NCAM1: variants seen among roughly 807,000 people sequenced by gnomAD.
NCAM1 encodes antigen recognized by monoclonal antibody 5.1H11.
Under a neutral mutation model 109.8 loss-of-function variants are expected in NCAM1, and 14 were observed. The ratio of observed to expected loss-of-function variants is 0.13; its 90% CI spans 0.08 to 0.20. The LOEUF is 0.20. Among genes scored for constraint, NCAM1 ranks in the 10% least tolerant of loss-of-function variants. The pLI is 1.00. For missense variants in NCAM1, 774 were observed against 1,109.9 expected, an observed-to-expected ratio of 0.70 and a Z score of 4.30; for synonymous variants, 418 against 442.9, an observed-to-expected ratio of 0.94 and a Z score of 0.70.
intron 1 of NCAM1, among the ~76,000 whole-genome samples, chr11:113,120,968 A>G (rs2136032592): frequency 6.6e-6 from 1 of 152,260 alleles, no homozygotes; most frequent in South Asian, 2.1e-4. Context: ...GCTAGGCTCT[A>G]GGTGTGATGT....
At chr11:113,106,178 T>C (rs1378682716) in intron 1 of NCAM1, among the ~76,000 whole-genome samples, 1 of 152,246 alleles carries the variant, frequency 6.6e-6, no homozygotes, top group East Asian at 1.9e-4. Context: ...ATTTCAGTAA[T>C]TTCTAAATAT....
chr11:113,118,968 TAAG>T lies in NCAM1; in HGVS notation c.53-83408_53-83406del, dbSNP rs577133183. On this transcript the variant is annotated intron_variant, in intron 1 of 19. Coordinates refer to ENST00000316851, the MANE Select transcript of NCAM1 (RefSeq NM_181351.5). ...CTTTAAAAATGTTTTTGGAAAGAAA[TAAG>T]AAATATTTAAATTACCTTCAAATTA... Among the ~76,000 whole-genome samples, 34 of 152,004 alleles carry T rather than the reference TAAG, an allele frequency of 2.2e-4. No homozygotes were observed. In the South Asian group the frequency reaches 4.3e-3, roughly 19 times the overall value.
At chr11:113,027,763 C>T (rs554114864) in intron 1 of NCAM1, among the ~76,000 whole-genome samples, 2 of 152,290 alleles carry the variant, frequency 1.3e-5, no homozygotes, top group Admixed American at 1.3e-4. Context: ...CATGAGCTAA[C>T]TTTTCTAAGA....
At position 113,273,423 on chromosome 11, in the gene NCAM1, C is replaced by T. The variant is rs190371700; in HGVS notation, c.2456+1547C>T. On this transcript the variant is annotated intron_variant, in intron 19 of 19. Transcript: ENST00000316851. The surrounding 1 kb of genome is among the most constrained non-coding windows in gnomAD (Gnocchi z 6.0). ...AGCGGCTGCCCCTGCCACAGAAGCCCCTCAGGCCAAGCAGGAGGCTCCCAG... is the reference window on the plus strand; with the variant it reads ...AGCGGCTGCCCCTGCCACAGAAGCCTCTCAGGCCAAGCAGGAGGCTCCCAG... The T allele has an allele frequency of 1.7e-3, 576 of 333,512 alleles. 3 individuals carry two copies. Among genetic ancestry groups the T allele is most frequent in the African/African-American group, 0.012 (548 of 46,256 alleles). The allele number at this position is 333,512 out of a possible 1,614,324, so 20.7% of individuals were successfully genotyped here.
chr11:113,135,239 A>C (rs1441329580), intron 1 of NCAM1, among the ~76,000 whole-genome samples: 1 of 152,146 alleles, frequency 6.6e-6, no homozygotes, highest in Non-Finnish European at 1.5e-5. Flanking sequence ...GTTGGGGTTC[A>C]CCTTCAGATA....
chr11:113,033,985 C>A (rs1478002466), intron 1 of NCAM1, among the ~76,000 whole-genome samples: 1 of 152,112 alleles, frequency 6.6e-6, no homozygotes, highest in Admixed American at 6.6e-5. Context: ...TTCTGACTTG[C>A]AATTTATTCT....
chr11:113,173,620 A>G (rs1591386851), intron 1 of NCAM1, among the ~76,000 whole-genome samples: 1 of 81,850 alleles, frequency 1.2e-5, no homozygotes, highest in African/African-American at 4.4e-5. Flanking sequence ...ATATATATAT[A>G]TATATATTTT....
At chr11:113,237,662 C>T (rs536547589) in intron 14 of NCAM1, among the ~76,000 whole-genome samples, 19 of 152,268 alleles carry the variant, frequency 1.2e-4, no homozygotes, top group African/African-American at 3.6e-4. Context: ...CAGGTTTCCT[C>T]TGGTCTGGAT....
At chr11:113,161,137 G>T (rs1264028091) in intron 1 of NCAM1, among the ~76,000 whole-genome samples, 15 of 152,206 alleles carry the variant, frequency 9.9e-5, no homozygotes, top group African/African-American at 3.6e-4. Flanking sequence ...GAAAAAAATT[G>T]AAAATCTCTG....
intron 1 of NCAM1, among the ~76,000 whole-genome samples, chr11:113,078,476 A>G (rs1313458686): frequency 6.6e-6 from 1 of 152,020 alleles, no homozygotes; most frequent in East Asian, 1.9e-4. Context: ...TCCACCAGCT[A>G]CAGGATGCTT....
At position 113,221,336 on chromosome 11, in the gene NCAM1, C is replaced by T; in HGVS notation, c.1089+11C>T. On this transcript the variant is annotated intron_variant, in intron 9 of 19. Coordinates refer to ENST00000316851, the MANE Select transcript of NCAM1 (RefSeq NM_181351.5). ...CCAGAGAAGCAAGAGGTATAGCTTACCTGACCACTAGCCAGTCTTTAGTTT... is the reference window on the plus strand; with the variant it reads ...CCAGAGAAGCAAGAGGTATAGCTTATCTGACCACTAGCCAGTCTTTAGTTT... 1 of 1,567,342 alleles carries T rather than the reference C, an allele frequency of 6.4e-7. No homozygotes were observed. The highest frequency in any genetic ancestry group is 1.2e-5 in the South Asian group (1 of 85,194).
intron 16 of NCAM1, 126 bp from the exon 17 acceptor site, chr11:113,260,020 A>C (rs1945943581): frequency 4.7e-6 from 4 of 846,640 alleles, no homozygotes; most frequent in South Asian, 3.9e-5. Flanking sequence ...ATTGCTTCTT[A>C]TTTTCATGAT....
chr11:113,073,684 A>G (rs537047657), intron 1 of NCAM1, among the ~76,000 whole-genome samples: 1 of 152,222 alleles, frequency 6.6e-6, no homozygotes, highest in Non-Finnish European at 1.5e-5. Flanking sequence ...GCTAATGAAA[A>G]AAACCTTTTA....
chr11:113,237,547 C>T (rs906325144), intron 14 of NCAM1, among the ~76,000 whole-genome samples: 6 of 152,212 alleles, frequency 3.9e-5, no homozygotes, highest in Non-Finnish European at 5.9e-5. Flanking sequence ...TGCTCTGGGC[C>T]TGCAGCTATG....
Position 113,000,847 on chromosome 11 carries a change from T to TATAC in NCAM1, c.52+39184_52+39185insTACA, listed in dbSNP as rs1306306918. On this transcript the variant is annotated intron_variant, in intron 1 of 19. Transcript: ENST00000316851. ...ATATATATATATATATATATATATATACACAAAAAATATATATATATATAC... is the reference window on the plus strand; with the variant it reads ...ATATATATATATATATATATATATATATACACACAAAAAATATATATATATATAC... 8.9e-4 allele frequency among the ~76,000 whole-genome samples: 101 copies of TATAC among 113,566 alleles called. 1 individual carries two copies. The highest frequency in any genetic ancestry group is 2.1e-3 in the African/African-American group (60 of 28,420). The allele number at this position is 113,566 out of a possible 152,430, so 74.5% of individuals were successfully genotyped here.
intron 15 of NCAM1, among the ~76,000 whole-genome samples, chr11:113,248,228 CAAAAAAA>C (rs34946502): frequency 7.7e-6 from 1 of 130,090 alleles, no homozygotes; most frequent in Non-Finnish European, 1.6e-5. Context: ...TGGCCGGTAC[CAAAAAAA>C]AAAAAAAAAA....
intron 1 of NCAM1, among the ~76,000 whole-genome samples, chr11:113,088,269 A>G (rs1388490919): frequency 6.6e-6 from 1 of 152,230 alleles, no homozygotes; most frequent in Non-Finnish European, 1.5e-5. Context: ...AGCAATTCAC[A>G]AAGGAATTAT....
At chr11:113,181,778 C>T (rs1555108037) in intron 1 of NCAM1, among the ~76,000 whole-genome samples, 8 of 152,194 alleles carry the variant, frequency 5.3e-5, no homozygotes, top group Non-Finnish European at 1.2e-4. Context: ...TCAGAAGCAA[C>T]CAGGGGTCCT....
intron 1 of NCAM1, among the ~76,000 whole-genome samples, chr11:113,080,077 T>A (rs975686209): frequency 1.3e-5 from 2 of 152,202 alleles, no homozygotes; most frequent in Non-Finnish European, 1.5e-5. Context: ...GATATCTGAT[T>A]GTGTTTCTGG....
Sources: allele counts gnomAD v4.1 joint callset (sites outside exome capture counted in the v4.1 genomes callset), GRCh38; gene constraint gnomAD v4.1.1; non-coding constraint Gnocchi (gnomAD v3.1); transcripts MANE v1.5; gene names NCBI Gene and HGNC (gene_info 2026-07-23, HGNC 2026-07-21).